DHX37: variants seen among roughly 807,000 people sequenced by gnomAD.
DHX37 encodes the protein DEAH-box helicase 37, also known as probable ATP-dependent RNA helicase DHX37.
In DHX37, 52 loss-of-function variants were observed where a neutral mutation model predicts 134.3. The observed-to-expected ratio is 0.39, with a 90% CI of 0.31 to 0.49. DHX37 has a LOEUF of 0.49. DHX37 is among the 20% of genes least tolerant of loss of function. The probability of loss-of-function intolerance (pLI) is 0.93; values close to 1 mark genes in which losing one functional copy is unlikely to be tolerated. For synonymous variants in DHX37, 634 were observed against 670.7 expected (o/e 0.95, Z 0.85); for missense variants, 1,344 against 1,580.8 (o/e 0.85, Z 2.54).
intron 1 of DHX37, 94 bp from the exon 2 acceptor site, chr12:124,986,359 G>A (rs1954872584): frequency 7.3e-7 from 1 of 1,373,762 alleles, no homozygotes; most frequent in South Asian, 1.3e-5. Flanking sequence ...GGCCTCCTGA[G>A]TCTGCACACA....
chr12:124,965,659 G>A lies in DHX37; in HGVS notation c.1735+9C>T, dbSNP rs199651565. The A allele has an allele frequency of 1.7e-5, 27 of 1,596,632 alleles. No individual in the cohort carries two copies. The highest frequency in any genetic ancestry group is 8.5e-5 in the Admixed American group (5 of 58,668). On this transcript the variant is annotated intron_variant, in intron 13 of 26. Coordinates refer to ENST00000308736, the MANE Select transcript of DHX37 (RefSeq NM_032656.4). ...TGAACATGAGCAGGAATCGGTGCTC[G>A]GGCCACACCTCCATCTTGCCCGCCA...
intron 16 of DHX37, among the ~76,000 whole-genome samples, chr12:124,957,421 C>A (rs1441217149): frequency 6.6e-6 from 1 of 152,208 alleles, no homozygotes; most frequent in Admixed American, 6.5e-5. Context: ...CGGTTTTTAA[C>A]AGACTATTAT....
Position 124,989,091 on chromosome 12 carries a change from GGTTCC to G in DHX37, c.-74_-70del, listed in dbSNP as rs1312592443. ...AGCAATCCGAAACCCAGCCCACGTG[GGTTCC>G]CAGACCACCAACTCCGGCCGTGAGA... is the stretch of plus-strand genomic sequence containing the variant. On this transcript the variant is annotated 5_prime_UTR_variant, in exon 1 of 27. Transcript: ENST00000308736. The G allele has an allele frequency of 1.8e-6, 2 of 1,100,826 alleles. No individual in the cohort carries two copies. Among genetic ancestry groups the G allele is most frequent in the East Asian group, 3.2e-5 (1 of 31,236 alleles). The allele number at this position is 1,100,826 out of a possible 1,614,324, so 68.2% of individuals were successfully genotyped here. A position where few individuals can be genotyped will look rare whatever the true frequency, so the allele number is the denominator to read the frequency against.
At chr12:124,956,112 G>A (rs1404675811) in intron 18 of DHX37, among the ~76,000 whole-genome samples, 1 of 152,246 alleles carries the variant, frequency 6.6e-6, no homozygotes, top group Non-Finnish European at 1.5e-5. Context: ...GGCTCACAGA[G>A]TCGATGAAGT....
At chr12:124,963,178 C>T (rs902910590) in intron 15 of DHX37, among the ~76,000 whole-genome samples, 3 of 152,188 alleles carry the variant, frequency 2.0e-5, no homozygotes, top group Non-Finnish European at 4.4e-5. Flanking sequence ...CGGCCAGGAA[C>T]GGGGTGCTGA....
At chr12:124,956,625 ACT>A in intron 18 of DHX37, 64 bp downstream of exon 18, 1 of 1,457,090 alleles carries the variant, frequency 6.9e-7, no homozygotes. Flanking sequence ...AGTAGCTGGG[ACT>A]CTCAGCCCAG....
At chr12:124,977,993 A>G (rs1453664577) in intron 4 of DHX37, among the ~76,000 whole-genome samples, 1 of 152,170 alleles carries the variant, frequency 6.6e-6, no homozygotes, top group African/African-American at 2.4e-5. Context: ...TCTGTGAAAC[A>G]TGGCTCACCC....
At chr12:124,985,732 C>CA (rs148831299) in intron 2 of DHX37, among the ~76,000 whole-genome samples, 4,659 of 83,346 alleles carry the variant, frequency 0.056, 107 homozygotes, top group South Asian at 0.13. Flanking sequence ...GACTCCATCT[C>CA]AAAAAAAAAA....
intron 8 of DHX37, 24 bp downstream of exon 8, chr12:124,971,278 C>T (rs771822426): frequency 6.2e-6 from 10 of 1,607,428 alleles, no homozygotes; most frequent in African/African-American, 1.3e-5. Flanking sequence ...CTCGGGGCTC[C>T]CCAGCACCCG....
chr12:124,973,948 A>ATT lies in DHX37; in HGVS notation c.981-1351_981-1350dup, dbSNP rs71092253. Among the ~76,000 whole-genome samples the ATT allele has an allele frequency of 7.0e-3, 946 of 134,358 alleles. 8 individuals carry two copies. The highest frequency in any genetic ancestry group is 0.021 in the African/African-American group (777 of 36,178). The allele number at this position is 134,358 out of a possible 152,430, so 88.1% of individuals were successfully genotyped here. A position where few individuals can be genotyped will look rare whatever the true frequency, so the allele number is the denominator to read the frequency against. On this transcript the variant is annotated intron_variant, in intron 6 of 26. Transcript: ENST00000308736. ...GTGAGCCGCCGTGCCCAGTCCCCAA[A>ATT]TTTTTTTTTTTTTTTCTGAGACGGA...
chr12:124,969,191 A>G (rs75568850), intron 8 of DHX37, among the ~76,000 whole-genome samples: 3,245 of 152,060 alleles, frequency 0.021, 55 homozygotes, highest in Non-Finnish European at 0.03. Context: ...TCAGGCTTTG[A>G]TGGTAGAATA....
chr12:124,968,326 A>C (rs1954438744), intron 10 of DHX37, among the ~76,000 whole-genome samples: 1 of 151,944 alleles, frequency 6.6e-6, no homozygotes, highest in African/African-American at 2.4e-5. Context: ...AAGCTCCACC[A>C]TCTGGTAGCT....
intron 4 of DHX37, among the ~76,000 whole-genome samples, chr12:124,979,699 G>A (rs7312267): frequency 0.034 from 5,202 of 152,302 alleles, 306 homozygotes; most frequent in African/African-American, 0.12. Flanking sequence ...GAAGTCCCAA[G>A]GGATGGCAGG....
At position 124,980,564 on chromosome 12, in the gene DHX37, C is replaced by T; in HGVS notation, c.664G>A (p.Ala222Thr). The T allele has an allele frequency of 1.2e-6, 2 of 1,611,860 alleles. No homozygotes were observed. The highest frequency in any genetic ancestry group is 1.7e-5 in the Admixed American group (1 of 59,952). Residue 222 changes from alanine (A) to threonine (T), a missense_variant, in exon 4 of 27, where the codon GCA becomes ACA. Coordinates refer to ENST00000308736, the MANE Select transcript of DHX37 (RefSeq NM_032656.4). This position sits in a 1 kb window ranked among gnomAD's most constrained non-coding sequence, Gnocchi z 5.3. ...AGGGCCCTGGGCAGTGGTGGGGCTG[C>T]AGCTGGAGGAGGAGGAACAGTCATC... ...AGMTVPPPPA[A>T]APPLPRALAK...
At chr12:124,958,976 C>G (rs1174904364) in intron 16 of DHX37, among the ~76,000 whole-genome samples, 2 of 145,592 alleles carry the variant, frequency 1.4e-5, no homozygotes, top group African/African-American at 5.1e-5. Flanking sequence ...ACGGCATGAT[C>G]TTGGCTCACT....
In DHX37 at chr12:124,989,026, G is replaced by A. The variant is rs1272893715; in HGVS notation, c.-4C>T. On this transcript the variant is annotated 5_prime_UTR_variant, in exon 1 of 27. Coordinates refer to ENST00000308736, the MANE Select transcript of DHX37 (RefSeq NM_032656.4). ...AGCGCCGGCGCAGCTTCCCCATGGCGACTAGGCCAGGGTGGGCGCTCCAGC... is the reference window on the plus strand; with the variant it reads ...AGCGCCGGCGCAGCTTCCCCATGGCAACTAGGCCAGGGTGGGCGCTCCAGC... 7.3e-7 allele frequency: 1 copy of A among 1,364,338 alleles called. No homozygotes were observed. The highest frequency in any genetic ancestry group is 9.5e-7 in the Non-Finnish European group (1 of 1,051,464). The allele number at this position is 1,364,338 out of a possible 1,614,324, so 84.5% of individuals were successfully genotyped here. A position where few individuals can be genotyped will look rare whatever the true frequency, so the allele number is the denominator to read the frequency against.
intron 7 of DHX37, 139 bp downstream of exon 7, chr12:124,972,364 C>T (rs1406735254): frequency 1.2e-5 from 10 of 803,042 alleles, no homozygotes; most frequent in Admixed American, 7.8e-5. Flanking sequence ...TTAAGTAACT[C>T]ACCCAAAGTC....
intron 6 of DHX37, among the ~76,000 whole-genome samples, chr12:124,973,121 A>G (rs1228640788): frequency 6.6e-6 from 1 of 151,224 alleles, no homozygotes; most frequent in Non-Finnish European, 1.5e-5. Context: ...CAGCCTGGGC[A>G]ATAGAGCCAT....
rs767280997 is a variant in DHX37, at chr12:124,967,233, G to A, written c.1409-15C>T. 6 of 1,612,474 alleles carry A rather than the reference G, an allele frequency of 3.7e-6. No individual in the cohort carries two copies. The Admixed American group carries it at 5.0e-5, about 13-fold the overall frequency. Reference sequence around the variant, plus strand: ...CAGGATGCCACCTGTGGAAAGAATGGGCCCCTCTGTTATCCATCAGTCACT... The same window carrying A: ...CAGGATGCCACCTGTGGAAAGAATGAGCCCCTCTGTTATCCATCAGTCACT... On this transcript the variant is annotated splice_polypyrimidine_tract_variant and intron_variant, in intron 10 of 26. Coordinates refer to ENST00000308736, the MANE Select transcript of DHX37 (RefSeq NM_032656.4).
Sources: allele counts gnomAD v4.1 joint callset (sites outside exome capture counted in the v4.1 genomes callset), GRCh38; gene constraint gnomAD v4.1.1; non-coding constraint Gnocchi (gnomAD v3.1); transcripts MANE v1.5; gene names NCBI Gene and HGNC (gene_info 2026-07-23, HGNC 2026-07-21).